Variants in CCSER1 observed in about 807,000 individuals in gnomAD.
CCSER1 encodes the protein serine-rich coiled-coil domain-containing protein 1.
In CCSER1, 41 loss-of-function variants were observed where a neutral mutation model predicts 82.0. The ratio of observed to expected loss-of-function variants is 0.50; its 90% CI spans 0.39 to 0.65. The LOEUF is 0.65. Among genes scored for constraint, CCSER1 ranks in the 30% least tolerant of loss-of-function variants. The pLI, the probability that CCSER1 is intolerant of heterozygous loss-of-function variation, is 0.00. For missense variants in CCSER1, 1,119 were observed against 1,064.2 expected (o/e 1.05, Z -0.72); for synonymous variants, 414 against 383.9 (o/e 1.08, Z -0.92).
At chr4:90,749,407 T>C (rs941489075) in intron 7 of CCSER1, among the ~76,000 whole-genome samples, 14 of 152,002 alleles carry the variant, frequency 9.2e-5, no homozygotes, top group African/African-American at 2.2e-4. Flanking sequence ...ATCTCTGTTT[T>C]GGTACCAGTA....
At chr4:90,461,363 G>A (rs989869957) in intron 4 of CCSER1, among the ~76,000 whole-genome samples, 1 of 151,850 alleles carries the variant, frequency 6.6e-6, no homozygotes, top group East Asian at 1.9e-4. Context: ...CACCGCGCCC[G>A]GCCCGGCTAT....
rs577205995 is a variant in CCSER1 at position 90,167,626 on chromosome 4, C to T, written c.-42+39795C>T. ...TCTCCTAATGCTATCCCTCCCCCGTCCCCCCACCCCACAACAGGCCCCGGT... is the reference window on the plus strand; with the variant it reads ...TCTCCTAATGCTATCCCTCCCCCGTTCCCCCACCCCACAACAGGCCCCGGT... On this transcript the variant is annotated intron_variant, in intron 1 of 10. Coordinates refer to ENST00000509176, the MANE Select transcript of CCSER1 (RefSeq NM_001145065.2). Among the ~76,000 whole-genome samples the T allele has an allele frequency of 1.6e-4, 24 of 151,312 alleles. 1 individual carries two copies. In the East Asian group the frequency reaches 4.5e-3, roughly 28 times the overall value.
intron 9 of CCSER1, among the ~76,000 whole-genome samples, chr4:91,071,424 A>G (rs1351394437): frequency 6.6e-6 from 1 of 152,152 alleles, no homozygotes; most frequent in Non-Finnish European, 1.5e-5. Flanking sequence ...GGAGTTGGCT[A>G]TGCAGATATC....
chr4:90,772,648 G>A (rs977801884), intron 7 of CCSER1, among the ~76,000 whole-genome samples: 2 of 152,130 alleles, frequency 1.3e-5, no homozygotes, highest in Non-Finnish European at 2.9e-5. Flanking sequence ...TTCTGTTGTA[G>A]CAGATAAAAT....
chr4:91,241,590 T>A (rs528157083), intron 10 of CCSER1, among the ~76,000 whole-genome samples: 2 of 152,160 alleles, frequency 1.3e-5, no homozygotes, highest in East Asian at 3.9e-4. Context: ...CCTCCCAAAG[T>A]GCTGGGATTA....
chr4:90,287,611 T>C (rs1043070063), intron 1 of CCSER1, among the ~76,000 whole-genome samples: 3 of 151,920 alleles, frequency 2.0e-5, no homozygotes, highest in Admixed American at 2.0e-4. Context: ...CATAATGCCA[T>C]GTAAAGGATT....
chr4:90,739,982 G>C (rs1746279753), intron 7 of CCSER1, among the ~76,000 whole-genome samples: 1 of 152,172 alleles, frequency 6.6e-6, no homozygotes, highest in Non-Finnish European at 1.5e-5. Flanking sequence ...TGTGTGGACA[G>C]TTGTTCAATT....
chr4:90,435,892 T>A (rs1404804010), intron 4 of CCSER1, among the ~76,000 whole-genome samples: 1 of 152,038 alleles, frequency 6.6e-6, no homozygotes, highest in African/African-American at 2.4e-5. Context: ...AATCTATATA[T>A]GTTAGATATT....
chr4:90,814,575 A>T (rs576678176), intron 7 of CCSER1, among the ~76,000 whole-genome samples: 9 of 152,346 alleles, frequency 5.9e-5, no homozygotes, highest in Admixed American at 2.6e-4. Context: ...TTTTGAATGC[A>T]TATGACTGAA....
intron 4 of CCSER1, among the ~76,000 whole-genome samples, chr4:90,419,048 T>C (rs537814525): frequency 1.3e-5 from 2 of 152,152 alleles, no homozygotes; most frequent in Middle Eastern, 6.8e-3. Flanking sequence ...GTTTCAATTA[T>C]GCCTATGTGG....
At chr4:91,462,864 C>T (rs1359171157) in intron 10 of CCSER1, among the ~76,000 whole-genome samples, 2 of 152,098 alleles carry the variant, frequency 1.3e-5, no homozygotes, top group Admixed American at 1.3e-4. Flanking sequence ...GGCCAGGAAG[C>T]TTGAACTGGG....
chr4:90,864,315 C>A (rs768408942), intron 8 of CCSER1, among the ~76,000 whole-genome samples: 2 of 151,850 alleles, frequency 1.3e-5, no homozygotes, highest in African/African-American at 4.8e-5. Context: ...GAAAGTGTCC[C>A]CCAAAGTTCA....
chr4:90,660,107 T>C (rs1424943953), intron 6 of CCSER1, among the ~76,000 whole-genome samples: 2 of 151,952 alleles, frequency 1.3e-5, no homozygotes, highest in African/African-American at 4.8e-5. Flanking sequence ...ACAATCTCTA[T>C]AGGAAACAGT....
At chr4:91,115,475 C>G (rs559625469) in intron 10 of CCSER1, among the ~76,000 whole-genome samples, 1 of 152,050 alleles carries the variant, frequency 6.6e-6, no homozygotes, top group South Asian at 2.1e-4. Flanking sequence ...TACAGGTGTG[C>G]GCCACCATGC....
chr4:91,073,657 C>T (rs1721661331), intron 9 of CCSER1, among the ~76,000 whole-genome samples: 1 of 152,016 alleles, frequency 6.6e-6, no homozygotes, highest in South Asian at 2.1e-4. Flanking sequence ...TTAAAAAAAT[C>T]AGAAACTACG....
intron 10 of CCSER1, among the ~76,000 whole-genome samples, chr4:91,407,989 C>T (rs891213323): frequency 2.6e-5 from 4 of 152,074 alleles, no homozygotes; most frequent in Admixed American, 6.5e-5. Flanking sequence ...GCTGTTGATG[C>T]TCCTGCACTT....
intron 10 of CCSER1, among the ~76,000 whole-genome samples, chr4:91,208,143 A>G (rs1381407790): frequency 1.3e-5 from 2 of 151,694 alleles, no homozygotes; most frequent in Admixed American, 6.6e-5. Flanking sequence ...TTGGTCAGAT[A>G]TAGAGTTCAC....
chr4:91,177,401 C>T (rs889260122), intron 10 of CCSER1, among the ~76,000 whole-genome samples: 1 of 152,128 alleles, frequency 6.6e-6, no homozygotes, highest in Admixed American at 6.6e-5. Context: ...ATGGCACAAG[C>T]TCCTCTTTGT....
intron 9 of CCSER1, among the ~76,000 whole-genome samples, chr4:91,037,812 ATATC>A (rs1741583802): frequency 6.6e-6 from 1 of 152,010 alleles, no homozygotes; most frequent in Non-Finnish European, 1.5e-5. Flanking sequence ...TAACTACAGA[ATATC>A]TATATTTAGT....
Sources: allele counts gnomAD v4.1 joint callset (sites outside exome capture counted in the v4.1 genomes callset), GRCh38; gene constraint gnomAD v4.1.1; transcripts MANE v1.5; gene names NCBI Gene and HGNC (gene_info 2026-07-23, HGNC 2026-07-21).